The following XPO5 variants were observed in gnomAD, a reference collection of about 807,000 sequenced individuals.
XPO5 encodes the protein exportin 5.
A neutral mutation model predicts 160.6 loss-of-function variants in XPO5; 46 were observed. That is an observed-to-expected ratio of 0.29 (90% CI 0.23 to 0.37). The LOEUF (loss-of-function observed/expected upper bound fraction) is 0.37. Ranked by LOEUF, XPO5 falls within the 10% of genes least tolerant of loss-of-function variation. The pLI is 1.00. For missense variants in XPO5, 1,090 were observed against 1,463.9 expected, an observed-to-expected ratio of 0.74 and a Z score of 4.17; for synonymous variants, 537 against 519.3, an observed-to-expected ratio of 1.03 and a Z score of -0.46.
At chr6:43,551,752 A>G (rs1053938066) in intron 14 of XPO5, among the ~76,000 whole-genome samples, 1 of 152,106 alleles carries the variant, frequency 6.6e-6, no homozygotes, top group Non-Finnish European at 1.5e-5. Flanking sequence ...GCTGGTCTCA[A>G]ACTCCTGGTT....
intron 13 of XPO5, chr6:43,555,026 A>G (rs1332889247): frequency 6.8e-6 from 1 of 146,144 alleles, no homozygotes; most frequent in Non-Finnish European, 1.5e-5. Context: ...ACCGCAACCT[A>G]CACCTCCTGG....
intron 20 of XPO5, among the ~76,000 whole-genome samples, chr6:43,537,332 C>G (rs1257559178): frequency 6.6e-6 from 1 of 152,076 alleles, no homozygotes; most frequent in East Asian, 1.9e-4. Context: ...ACCTGGGAGT[C>G]TTTTAAAGGC....
chr6:43,544,181 G>T, intron 20 of XPO5: 1 of 160,254 alleles, frequency 6.2e-6, no homozygotes, highest in East Asian at 1.7e-4. Context: ...AAGTCAAGCT[G>T]AGTCTGCTGT....
rs578081483 is a variant in XPO5 at position 43,539,550 on chromosome 6, C to T, written c.2343-5543G>A. 441 of 1,397,090 alleles carry T rather than the reference C, an allele frequency of 3.2e-4. 3 individuals are homozygous for T. Among genetic ancestry groups the T allele is most frequent in the Admixed American group, 6.9e-5 (4 of 57,782 alleles). 86.5% of individuals were successfully genotyped at this position (1,397,090 alleles called of 1,614,324 possible). On this transcript the variant is annotated intron_variant, in intron 20 of 31. Transcript: ENST00000265351. ...CACTCCTTATCTTTGGCCTTGCCTC[C>T]GCGAGCTCCGCGGCCTCAGCCCCGG...
At chr6:43,561,385 T>C in intron 9 of XPO5, 1 of 165,988 alleles carries the variant, frequency 6.0e-6, no homozygotes, top group Non-Finnish European at 1.3e-5. Flanking sequence ...TTCTTTTCTT[T>C]TTTTTTTCTT....
At chr6:43,570,476 A>T in intron 5 of XPO5, 26 bp downstream of exon 5, 9 of 1,588,548 alleles carry the variant, frequency 5.7e-6, no homozygotes, top group Non-Finnish European at 7.7e-6. Flanking sequence ...GAAAATAGAA[A>T]TGTTATAGGT....
Position 43,525,232 on chromosome 6 carries a change from AAG to A in XPO5, c.3067-20_3067-19del. ...CAAACATCCTGAACAGGAAAAGATG[AAG>A]AGTTACAATGGAAAAAGAAGCACAG... On this transcript the variant is annotated intron_variant, in intron 28 of 31. Coordinates refer to ENST00000265351, the MANE Select transcript of XPO5 (RefSeq NM_020750.3). 6.4e-7 allele frequency: 1 copy of A among 1,558,900 alleles called. No individual in the cohort carries two copies. Among genetic ancestry groups the A allele is most frequent in the Non-Finnish European group, 8.7e-7 (1 of 1,149,874 alleles).
At chr6:43,557,425 CA>C (rs1227954173) in intron 12 of XPO5, among the ~76,000 whole-genome samples, 18 of 143,434 alleles carry the variant, frequency 1.3e-4, no homozygotes, top group African/African-American at 1.3e-4. Context: ...GACTCCATCT[CA>C]AAAAAAAAAG....
intron 20 of XPO5, among the ~76,000 whole-genome samples, chr6:43,539,979 GCA>G (rs1342296918): frequency 6.6e-6 from 1 of 152,248 alleles, no homozygotes; most frequent in Non-Finnish European, 1.5e-5. Flanking sequence ...ACGGGGCTGG[GCA>G]CAGTGGCTCA....
At chr6:43,530,854 A>G in intron 22 of XPO5, 30 bp from the exon 23 acceptor site, 4 of 1,596,022 alleles carry the variant, frequency 2.5e-6, no homozygotes, top group Non-Finnish European at 3.4e-6. Context: ...AGCATTGAAA[A>G]TGACAAATCC....
chr6:43,532,356 T>TG (rs972021154), intron 21 of XPO5, among the ~76,000 whole-genome samples: 5 of 152,184 alleles, frequency 3.3e-5, no homozygotes, highest in Non-Finnish European at 7.3e-5. Flanking sequence ...GGAATGCCAT[T>TG]GGATTGCTTG....
chr6:43,531,098 C>G (rs1416419201), intron 22 of XPO5, among the ~76,000 whole-genome samples: 1 of 152,182 alleles, frequency 6.6e-6, no homozygotes, highest in Non-Finnish European at 1.5e-5. Flanking sequence ...GAGGCCAAAG[C>G]CCATGAGGGC....
At chr6:43,563,837 A>T (rs1762543521) in intron 8 of XPO5, among the ~76,000 whole-genome samples, 1 of 152,192 alleles carries the variant, frequency 6.6e-6, no homozygotes, top group Non-Finnish European at 1.5e-5. Context: ...GTGGGTCCAG[A>T]GTGAGTGGTG....
intron 8 of XPO5, among the ~76,000 whole-genome samples, chr6:43,563,042 G>A (rs1762492780): frequency 6.6e-6 from 1 of 152,092 alleles, no homozygotes; most frequent in Non-Finnish European, 1.5e-5. Flanking sequence ...CAAAAAGATG[G>A]TGTTGCAACA....
At chr6:43,556,711 T>C (rs931504289) in intron 12 of XPO5, among the ~76,000 whole-genome samples, 6 of 152,050 alleles carry the variant, frequency 3.9e-5, no homozygotes, top group African/African-American at 1.4e-4. Flanking sequence ...AACAAAACCT[T>C]GTATATAAAT....
At position 43,562,862 on chromosome 6, in the gene XPO5, C is replaced by A. The variant is rs554533149; in HGVS notation, c.912-516G>T. Among the ~76,000 whole-genome samples, 37 of 152,090 alleles carry A rather than the reference C, an allele frequency of 2.4e-4. 1 individual carries two copies. In the South Asian group the frequency reaches 7.5e-3, roughly 31 times the overall value. ...ATTGGACCTAAAAATAGTAACTACC[C>A]AAAAAACGTTATTCATTTAATTAAC... is the stretch of plus-strand genomic sequence containing the variant. On this transcript the variant is annotated intron_variant, in intron 8 of 31. Transcript: ENST00000265351.
intron 13 of XPO5, among the ~76,000 whole-genome samples, chr6:43,554,718 T>C (rs1324193343): frequency 6.6e-6 from 1 of 152,112 alleles, no homozygotes; most frequent in Non-Finnish European, 1.5e-5. Flanking sequence ...CCACCCTGCC[T>C]GGCCTAAGAT....
Position 43,525,061 on chromosome 6 carries a change from C to T in XPO5, c.3174+46G>A, listed in dbSNP as rs574519974. The T allele has an allele frequency of 6.4e-6, 10 of 1,573,932 alleles. No homozygotes were observed. The Admixed American group carries it at 7.6e-5, about 12-fold the overall frequency. On this transcript the variant is annotated intron_variant, in intron 29 of 31. Transcript: ENST00000265351. ...TGAATGATTTAGTCAGTCTGCATGA[C>T]CCAAACCTTCCATGAGGGGCAGGGA... is the stretch of plus-strand genomic sequence containing the variant.
At chr6:43,551,118 T>G in intron 15 of XPO5, 180 bp downstream of exon 15, 1 of 487,502 alleles carries the variant, frequency 2.1e-6, no homozygotes, top group Non-Finnish European at 3.4e-6. Context: ...AGGCCAGGCA[T>G]GGTTGTGCAT....
Sources: gnomAD v4.1 joint callset for allele counts (sites outside exome capture counted in the v4.1 genomes callset) on GRCh38, gnomAD v4.1.1 for gene constraint, MANE v1.5 for transcripts, NCBI Gene and HGNC (gene_info 2026-07-23, HGNC 2026-07-21) for gene names.